Variants in TMEM87A observed in about 807,000 individuals in gnomAD.
TMEM87A encodes the protein Golgi-pH regulating cation channel.
TMEM87A carries 50 observed loss-of-function variants against 90.0 expected under a neutral mutation model. The ratio of observed to expected loss-of-function variants is 0.56; its 90% CI spans 0.44 to 0.70. TMEM87A has a LOEUF of 0.70. TMEM87A is among the 30% of genes least tolerant of loss of function. The pLI, the probability that TMEM87A is intolerant of heterozygous loss-of-function variation, is 0.00. For synonymous variants in TMEM87A, 226 were observed against 226.7 expected (o/e 1.00, Z 0.03); for missense variants, 577 against 660.5 (o/e 0.87, Z 1.39).
intron 6 of TMEM87A, among the ~76,000 whole-genome samples, chr15:42,255,007 T>C (rs2051151106): frequency 1.3e-5 from 2 of 150,202 alleles, no homozygotes; most frequent in African/African-American, 2.4e-5. Flanking sequence ...CTTTATTGCT[T>C]AGACTGGAGT....
intron 15 of TMEM87A, 151 bp downstream of exon 15, chr15:42,226,655 A>C (rs2050600289): frequency 1.5e-6 from 1 of 675,400 alleles, no homozygotes; most frequent in South Asian, 1.9e-5. Flanking sequence ...AGTTAAGAGG[A>C]GAGCTGAGAT....
At chr15:42,273,499 G>A, upstream of TMEM87A, 3 of 1,537,368 alleles carry the variant, frequency 2.0e-6, no homozygotes, top group Non-Finnish European at 2.6e-6. Flanking sequence ...CCGGGTCCTG[G>A]AAACGTCGCG....
chr15:42,257,204 A>G (rs2051200372), intron 6 of TMEM87A, among the ~76,000 whole-genome samples: 1 of 151,998 alleles, frequency 6.6e-6, no homozygotes, highest in Non-Finnish European at 1.5e-5. Flanking sequence ...GTTTGAGGTG[A>G]ATTCTAGAGA....
chr15:42,272,190 C>A, intron 1 of TMEM87A, 67 bp from the exon 2 acceptor site: 1 of 1,143,602 alleles, frequency 8.7e-7, no homozygotes, highest in East Asian at 2.4e-5. Flanking sequence ...ATATAACTAT[C>A]TAAGACTGCT....
chr15:42,270,079 A>G lies in TMEM87A; in HGVS notation c.205+1984T>C, dbSNP rs180860604. Among the ~76,000 whole-genome samples, 369 of 151,114 alleles carry G rather than the reference A, an allele frequency of 2.4e-3. 2 individuals carry two copies. The highest frequency in any genetic ancestry group is 4.0e-3 in the Non-Finnish European group (269 of 67,720). On this transcript the variant is annotated intron_variant, in intron 2 of 19. Transcript: ENST00000389834. Reference sequence around the variant, plus strand: ...ATAACAAAGAAAAAGATAATGTTAAAGTGTCTCAGGCCGGGCACGGTGGCT... The same window carrying G: ...ATAACAAAGAAAAAGATAATGTTAAGGTGTCTCAGGCCGGGCACGGTGGCT...
At chr15:42,214,135 C>A (rs917130341) in intron 19 of TMEM87A, among the ~76,000 whole-genome samples, 4 of 151,878 alleles carry the variant, frequency 2.6e-5, no homozygotes, top group Non-Finnish European at 4.4e-5. Flanking sequence ...GGGGGGGGAA[C>A]ACACAACCTG....
At chr15:42,229,408 G>A (rs977724339) in intron 12 of TMEM87A, among the ~76,000 whole-genome samples, 7 of 151,916 alleles carry the variant, frequency 4.6e-5, no homozygotes, top group Non-Finnish European at 1.0e-4. Context: ...GAAAGGAAGA[G>A]GCTTTCTAGA....
chr15:42,273,233 C>A (rs753354375), intron 1 of TMEM87A, 22 bp downstream of exon 1: 6 of 1,613,746 alleles, frequency 3.7e-6, no homozygotes, highest in East Asian at 2.2e-5. Flanking sequence ...TAGGTTCAGA[C>A]GTTAGTGAAG....
At chr15:42,254,286 T>C (rs889132440) in intron 6 of TMEM87A, among the ~76,000 whole-genome samples, 2 of 152,308 alleles carry the variant, frequency 1.3e-5, no homozygotes, top group South Asian at 2.1e-4. Flanking sequence ...AAGCACTGCA[T>C]TGTCAAAAAT....
chr15:42,221,561 A>C (rs1287357379), intron 15 of TMEM87A, among the ~76,000 whole-genome samples: 1 of 152,126 alleles, frequency 6.6e-6, no homozygotes, highest in Non-Finnish European at 1.5e-5. Flanking sequence ...AGAATTAAGC[A>C]ATCTAAAATT....
At position 42,218,675 on chromosome 15, in the gene TMEM87A, T is replaced by A. The variant is rs139923730; in HGVS notation, c.1540-297A>T. Among the ~76,000 whole-genome samples, 266 of 152,370 alleles carry A rather than the reference T, an allele frequency of 1.7e-3. 1 individual carries two copies. The highest frequency in any genetic ancestry group is 6.6e-3 in the South Asian group (32 of 4,834). Reference sequence around the variant, plus strand: ...AGATCATGTGGTATTTGTCTTTCTGTGCCTGGCTTATTTTGCTTAACATAG... The same window carrying A: ...AGATCATGTGGTATTTGTCTTTCTGAGCCTGGCTTATTTTGCTTAACATAG... On this transcript the variant is annotated intron_variant, in intron 17 of 19. Coordinates refer to ENST00000389834, the MANE Select transcript of TMEM87A (RefSeq NM_015497.5).
chr15:42,232,537 G>C (rs1399910679), intron 11 of TMEM87A, among the ~76,000 whole-genome samples: 1 of 151,844 alleles, frequency 6.6e-6, no homozygotes, highest in Non-Finnish European at 1.5e-5. Context: ...GCAGTGGCAC[G>C]ATCTCGGCTC....
intron 6 of TMEM87A, chr15:42,258,319 A>G (rs2051221695): frequency 1.2e-5 from 8 of 692,550 alleles, no homozygotes; most frequent in Admixed American, 6.3e-5. Context: ...AGATAAATAT[A>G]TCACTGCATG....
chr15:42,211,849 C>T, intron 19 of TMEM87A, 100 bp from the exon 20 acceptor site: 1 of 1,074,776 alleles, frequency 9.3e-7, no homozygotes, highest in Non-Finnish European at 1.4e-6. Flanking sequence ...TCCACGAGTA[C>T]TTTATGTTAA....
At chr15:42,270,346 G>T (rs1034769419) in intron 2 of TMEM87A, among the ~76,000 whole-genome samples, 1 of 152,056 alleles carries the variant, frequency 6.6e-6, no homozygotes, top group African/African-American at 2.4e-5. Flanking sequence ...TTCCAGCCTG[G>T]GCGTCACAGC....
chr15:42,259,705 GCAGGGCTGTGCACACATGCC>G (rs971661387), intron 6 of TMEM87A, among the ~76,000 whole-genome samples: 1 of 152,276 alleles, frequency 6.6e-6, no homozygotes, highest in Non-Finnish European at 1.5e-5. Flanking sequence ...GGCCATATGT[GCAGGGCTGTGCACACATGCC>G]CAGGGCTGTG....
chr15:42,257,397 C>G (rs372144095), intron 6 of TMEM87A, among the ~76,000 whole-genome samples: 12 of 152,268 alleles, frequency 7.9e-5, no homozygotes, highest in East Asian at 3.9e-4. Context: ...CAGGCTCCCC[C>G]CTTCACCTTC....
chr15:42,214,214 T>C (rs1044291094), intron 19 of TMEM87A, among the ~76,000 whole-genome samples: 1 of 152,152 alleles, frequency 6.6e-6, no homozygotes, highest in South Asian at 2.1e-4. Flanking sequence ...CAGGACCAGA[T>C]GGCTTCTTTA....
chr15:42,211,957 G>T (rs1254503102), intron 19 of TMEM87A, among the ~76,000 whole-genome samples: 1 of 152,080 alleles, frequency 6.6e-6, no homozygotes, highest in Admixed American at 6.5e-5. Context: ...AAAGCTCTAG[G>T]CTTCTGGACA....
Sources: allele counts gnomAD v4.1 joint callset (sites outside exome capture counted in the v4.1 genomes callset), GRCh38; gene constraint gnomAD v4.1.1; transcripts MANE v1.5; gene names NCBI Gene and HGNC (gene_info 2026-07-23, HGNC 2026-07-21).